Variants in MTM1 observed in about 807,000 individuals in gnomAD.
MTM1 encodes myotubularin 1, also known as myotubularin.
In MTM1, 9 loss-of-function variants were observed where a neutral mutation model predicts 52.1. The observed-to-expected ratio is 0.17, with a 90% CI of 0.10 to 0.30. The LOEUF (loss-of-function observed/expected upper bound fraction) is 0.30, where lower values mean the gene tolerates loss of function less well. Among genes scored for constraint, MTM1 ranks in the 10% least tolerant of loss-of-function variants. The pLI, the probability that MTM1 is intolerant of heterozygous loss-of-function variation, is 1.00. For synonymous variants in MTM1, 136 were observed against 163.8 expected (o/e 0.83, Z 1.29); for missense variants, 277 against 470.7 (o/e 0.59, Z 3.81).
intron 1 of MTM1, among the ~76,000 whole-genome samples, chrX:150,574,519 A>G (rs1233696738): frequency 5.3e-5 from 6 of 112,817 alleles, no homozygotes; most frequent in Non-Finnish European, 1.1e-4. Context: ...GTGTAATTTA[A>G]AATTTTCTAG....
intron 6 of MTM1, among the ~76,000 whole-genome samples, chrX:150,637,790 T>C (rs1557413729): frequency 2.7e-5 from 3 of 112,051 alleles, no homozygotes; most frequent in Admixed American, 9.4e-5. Context: ...TTGGTGCCTT[T>C]AGGGAGTGGC....
chrX:150,576,549 T>C (rs1277111025), intron 1 of MTM1, among the ~76,000 whole-genome samples: 1 of 111,832 alleles, frequency 8.9e-6, no homozygotes, highest in Non-Finnish European at 1.9e-5. Flanking sequence ...TTTTAACGAG[T>C]AAAAACTTTA....
chrX:150,567,739 A>C (rs1181962908), upstream of MTM1, among the ~76,000 whole-genome samples: 2 of 111,187 alleles, frequency 1.8e-5, no homozygotes, highest in Non-Finnish European at 3.8e-5. Flanking sequence ...TTTTTAGTAG[A>C]GACGAGGTTT....
intron 5 of MTM1, among the ~76,000 whole-genome samples, 195 bp downstream of exon 5, chrX:150,614,894 A>G (rs1265847378): frequency 9.0e-6 from 1 of 111,634 alleles, no homozygotes; most frequent in Non-Finnish European, 1.9e-5. Context: ...ACCCACTGCA[A>G]TCACCAAATA....
intron 6 of MTM1, among the ~76,000 whole-genome samples, chrX:150,633,936 G>A (rs2039713729): frequency 8.9e-6 from 1 of 112,383 alleles, no homozygotes; most frequent in Non-Finnish European, 1.9e-5. Flanking sequence ...TCTGGAGGCT[G>A]AGGCACGAGA....
Position 150,619,111 on chromosome X carries a change from G to C in MTM1, c.416G>C (p.Arg139Thr). Residue 139 changes from arginine (R) to threonine (T), a missense_variant, in exon 6 of 15, where the codon AGA becomes ACA. Transcript: ENST00000370396. ...AGAGATATGTTTGAGATCCTCACGA[G>C]ATACGCGTTTCCCCTGGCTCACAGT... ...SRRDMFEILTRYAFPLAHSLP... is the reference protein window; with the variant it reads ...SRRDMFEILTTYAFPLAHSLP... The C allele has an allele frequency of 1.7e-6, 2 of 1,208,346 alleles. No homozygotes were observed. Among genetic ancestry groups the C allele is most frequent in the Non-Finnish European group, 2.2e-6 (2 of 892,592 alleles).
chrX:150,625,685 T>G (rs782687589), intron 6 of MTM1, among the ~76,000 whole-genome samples: 3 of 112,664 alleles, frequency 2.7e-5, no homozygotes, highest in African/African-American at 9.7e-5. Context: ...CAGGTTTTTG[T>G]TTTTGCACTT....
intron 6 of MTM1, among the ~76,000 whole-genome samples, chrX:150,637,491 A>T (rs192919086): frequency 7.3e-4 from 81 of 111,672 alleles, no homozygotes; most frequent in African/African-American, 2.3e-3. Context: ...ATGGGAATGA[A>T]GCAAGTGTGT....
intron 1 of MTM1, among the ~76,000 whole-genome samples, chrX:150,569,413 C>T (rs1415145115): frequency 1.8e-5 from 2 of 112,864 alleles, no homozygotes; most frequent in African/African-American, 6.4e-5. Flanking sequence ...TATATTAGAG[C>T]TTTATAGACG....
intron 13 of MTM1, 87 bp from the exon 14 acceptor site, chrX:150,663,346 C>T (rs2040254101): frequency 1.0e-6 from 1 of 985,797 alleles, no homozygotes; most frequent in Non-Finnish European, 1.4e-6. Context: ...TGATGCTGAA[C>T]TGTATTGCTA....
chrX:150,653,100 A>T lies in MTM1; in HGVS notation c.1053+3199A>T, dbSNP rs141345602. On this transcript the variant is annotated intron_variant, in intron 10 of 14. Transcript: ENST00000370396. ...ATGAAAGAAACTGTCATTGTTCTGT[A>T]CAGAAGCCAAAGGAGTTACCAGGAG... 4.7e-3 allele frequency among the ~76,000 whole-genome samples: 524 copies of T among 111,993 alleles called. 3 individuals carry two copies. The highest frequency in any genetic ancestry group is 0.016 in the African/African-American group (500 of 30,832).
intron 6 of MTM1, among the ~76,000 whole-genome samples, chrX:150,630,496 A>G (rs2039649461): frequency 9.0e-6 from 1 of 111,449 alleles, no homozygotes; most frequent in Non-Finnish European, 1.9e-5. Flanking sequence ...TTTATTTTGC[A>G]TTTATCTTGT....
At position 150,629,163 on chromosome X, in the gene MTM1, G is replaced by A. The variant is rs1278268496; in HGVS notation, c.445-9780G>A. On this transcript the variant is annotated intron_variant, in intron 6 of 14. Coordinates refer to ENST00000370396, the MANE Select transcript of MTM1 (RefSeq NM_000252.3). The stretch of plus-strand genomic sequence containing the variant: ...TTCCTCCCTCTCTGTCAGTGTGAAG[G>A]CAGACCTCTGTCTCTTTCACAGTGT... 5.4e-5 allele frequency among the ~76,000 whole-genome samples: 6 copies of A among 111,562 alleles called. No homozygotes were observed. The East Asian group carries it at 1.7e-3, about 31-fold the overall frequency.
At chrX:150,565,100 A>T (rs782333243), upstream of MTM1, among the ~76,000 whole-genome samples, 2 of 112,417 alleles carry the variant, frequency 1.8e-5, no homozygotes, top group East Asian at 5.6e-4. Flanking sequence ...CCTTTGTGTC[A>T]GTGCACAGGG....
At chrX:150,648,943 C>T (rs1486926746) in intron 9 of MTM1, among the ~76,000 whole-genome samples, 1 of 112,533 alleles carries the variant, frequency 8.9e-6, no homozygotes, top group Non-Finnish European at 1.9e-5. Flanking sequence ...GGATAGTTAA[C>T]TAGCGTCTCT....
At chrX:150,645,601 A>T in intron 8 of MTM1, 82 bp from the exon 9 acceptor site, 1 of 893,465 alleles carries the variant, frequency 1.1e-6, no homozygotes, top group Non-Finnish European at 1.6e-6. Flanking sequence ...GATAACCGTC[A>T]GTGCTTTACT....
At chrX:150,586,889 G>A (rs934234665) in intron 1 of MTM1, among the ~76,000 whole-genome samples, 7 of 99,239 alleles carry the variant, frequency 7.1e-5, no homozygotes, top group African/African-American at 2.6e-4. Context: ...ACTCCAGCCT[G>A]AGCGACAGAG....
chrX:150,613,923 C>G (rs1248581970), intron 4 of MTM1, among the ~76,000 whole-genome samples: 1 of 112,261 alleles, frequency 8.9e-6, no homozygotes, highest in Non-Finnish European at 1.9e-5. Context: ...TTGGGAAATG[C>G]ACGCATGCCA....
At chrX:150,608,999 T>G (rs2039225446) in intron 4 of MTM1, among the ~76,000 whole-genome samples, 1 of 110,564 alleles carries the variant, frequency 9.0e-6, no homozygotes, top group Non-Finnish European at 1.9e-5. Flanking sequence ...CCAGCTGATT[T>G]TTGTATTTTT....
Sources: gnomAD v4.1 joint callset for allele counts (sites outside exome capture counted in the v4.1 genomes callset) on GRCh38, gnomAD v4.1.1 for gene constraint, MANE v1.5 for transcripts, NCBI Gene and HGNC (gene_info 2026-07-23, HGNC 2026-07-21) for gene names.